Variants in MAGI2 observed in about 807,000 individuals in gnomAD.
MAGI2 encodes membrane associated guanylate kinase, WW and PDZ domain containing 2.
In MAGI2, 35 loss-of-function variants were observed where a neutral mutation model predicts 133.3. The ratio of observed to expected loss-of-function variants is 0.26; its 90% confidence interval spans 0.20 to 0.35. MAGI2 has a LOEUF of 0.35. Ranked by LOEUF, MAGI2 falls within the 10% of genes least tolerant of loss-of-function variation. The probability of loss-of-function intolerance (pLI) is 1.00; values close to 1 mark genes in which losing one functional copy is unlikely to be tolerated. For synonymous variants in MAGI2, 729 were observed against 710.6 expected (o/e 1.03, Z -0.41); for missense variants, 1,636 against 1,863.4 (o/e 0.88, Z 2.25).
chr7:78,438,487 C>T (rs1787278360), intron 6 of MAGI2, among the ~76,000 whole-genome samples: 3 of 152,122 alleles, frequency 2.0e-5, no homozygotes, highest in Non-Finnish European at 4.4e-5. Context: ...AAACACTTCA[C>T]CAGAATATAG....
At chr7:78,650,327 C>T (rs1406478631) in intron 2 of MAGI2, among the ~76,000 whole-genome samples, 1 of 152,132 alleles carries the variant, frequency 6.6e-6, no homozygotes. Context: ...GCCTGAACTT[C>T]CAGTCCAGGG....
chr7:78,343,759 A>G lies in MAGI2; in HGVS notation c.1408+19T>C, dbSNP rs748023393. ...AAAAGATGTTGCAAAACAATTTTCTAAACCATGAAGGACCTTACCTGTTTC... is the reference window on the plus strand; with the variant it reads ...AAAAGATGTTGCAAAACAATTTTCTGAACCATGAAGGACCTTACCTGTTTC... On this transcript the variant is annotated intron_variant, in intron 9 of 21. Transcript: ENST00000354212. 111 of 1,438,940 alleles carry G rather than the reference A, an allele frequency of 7.7e-5. 1 individual carries two copies. In the South Asian group the frequency reaches 1.8e-3, roughly 24 times the overall value. 89.1% of individuals were successfully genotyped at this position (1,438,940 alleles called of 1,614,324 possible). A position where few individuals can be genotyped will look rare whatever the true frequency, so the allele number is the denominator to read the frequency against.
intron 1 of MAGI2, among the ~76,000 whole-genome samples, chr7:79,238,731 A>C (rs1031817773): frequency 6.6e-6 from 1 of 152,200 alleles, no homozygotes; most frequent in Non-Finnish European, 1.5e-5. Context: ...AGAACTTTGA[A>C]ATCTTACATG....
In MAGI2 at chr7:79,323,934, A is replaced by C. The variant is rs961363513; in HGVS notation, c.301+129086T>G. ...AACACCACCATGTGGATCAGTTTTA[A>C]ACACAAGAATGGGGCATCTAGCCTC... On this transcript the variant is annotated intron_variant, in intron 1 of 21. Transcript: ENST00000354212. Among the ~76,000 whole-genome samples the C allele has an allele frequency of 3.3e-5, 5 of 152,202 alleles. No homozygotes were observed. In the East Asian group the frequency reaches 7.8e-4, roughly 24 times the overall value.
chr7:78,411,250 C>G (rs1445597450), intron 6 of MAGI2, among the ~76,000 whole-genome samples: 1 of 151,914 alleles, frequency 6.6e-6, no homozygotes, highest in Admixed American at 6.6e-5. Flanking sequence ...CACAACACAG[C>G]ATTTCACTTT....
At chr7:78,310,163 G>C (rs186886382) in intron 9 of MAGI2, among the ~76,000 whole-genome samples, 1 of 152,086 alleles carries the variant, frequency 6.6e-6, no homozygotes, top group African/African-American at 2.4e-5. Flanking sequence ...GTGGCCAGGC[G>C]TGGTGGCTCA....
chr7:78,202,845 T>G (rs1181955063), intron 10 of MAGI2, among the ~76,000 whole-genome samples: 1 of 152,194 alleles, frequency 6.6e-6, no homozygotes, highest in Non-Finnish European at 1.5e-5. Flanking sequence ...TGTTCACTAT[T>G]TCTCTTTCCA....
chr7:79,152,846 C>T (rs1823389456), intron 1 of MAGI2, among the ~76,000 whole-genome samples: 1 of 152,140 alleles, frequency 6.6e-6, no homozygotes, highest in Non-Finnish European at 1.5e-5. Flanking sequence ...TCATCTCTAT[C>T]TCCAGTTGTA....
intron 10 of MAGI2, among the ~76,000 whole-genome samples, chr7:78,229,782 A>G (rs1263685891): frequency 1.3e-5 from 2 of 152,180 alleles, no homozygotes; most frequent in African/African-American, 2.4e-5. Flanking sequence ...GGAGACACCA[A>G]TAGAAGTCAC....
intron 2 of MAGI2, 148 bp downstream of exon 2, chr7:79,006,941 AC>A (rs1162518419): frequency 7.2e-6 from 4 of 552,646 alleles, no homozygotes; most frequent in Non-Finnish European, 1.3e-5. Context: ...AAGCATTTGC[AC>A]TTAAAATTGC....
At chr7:79,333,421 C>G (rs189621395) in intron 1 of MAGI2, among the ~76,000 whole-genome samples, 1 of 152,100 alleles carries the variant, frequency 6.6e-6, no homozygotes, top group South Asian at 2.1e-4. Context: ...CCACCGCACC[C>G]GGCCTCATTT....
At chr7:78,978,312 C>T (rs1412522727) in intron 2 of MAGI2, among the ~76,000 whole-genome samples, 2 of 151,872 alleles carry the variant, frequency 1.3e-5, no homozygotes, top group East Asian at 3.9e-4. Flanking sequence ...ATGGTGCACA[C>T]ATATAATAGA....
At chr7:78,789,102 T>G (rs1827068309) in intron 2 of MAGI2, among the ~76,000 whole-genome samples, 1 of 152,264 alleles carries the variant, frequency 6.6e-6, no homozygotes, top group Admixed American at 6.5e-5. Context: ...TTTTATTCAT[T>G]TTATGTGCTT....
In MAGI2 at chr7:78,979,908, A is replaced by G. The variant is rs556026310; in HGVS notation, c.418+27182T>C. 2.0e-5 allele frequency among the ~76,000 whole-genome samples: 3 copies of G among 152,082 alleles called. No individual in the cohort carries two copies. In the East Asian group the frequency reaches 5.9e-4, roughly 30 times the overall value. The stretch of plus-strand genomic sequence containing the variant: ...TCTAAGACAATTTCAAATTTTTAAA[A>G]TGTTATTTGAAAAATCATAACACTT... On this transcript the variant is annotated intron_variant, in intron 2 of 21. Coordinates refer to ENST00000354212, the MANE Select transcript of MAGI2 (RefSeq NM_012301.4).
intron 1 of MAGI2, among the ~76,000 whole-genome samples, chr7:79,159,137 G>A (rs537658902): frequency 5.3e-5 from 8 of 152,104 alleles, no homozygotes; most frequent in East Asian, 3.9e-4. Flanking sequence ...GATCTCATGC[G>A]GTAAATTTCT....
chr7:79,189,492 T>C (rs1460579537), intron 1 of MAGI2, among the ~76,000 whole-genome samples: 3 of 151,750 alleles, frequency 2.0e-5, no homozygotes, highest in Non-Finnish European at 4.4e-5. Context: ...TAGAGTAGTT[T>C]ATGTTTTCAA....
At chr7:79,193,318 C>T (rs1827824676) in intron 1 of MAGI2, among the ~76,000 whole-genome samples, 1 of 151,960 alleles carries the variant, frequency 6.6e-6, no homozygotes, top group African/African-American at 2.4e-5. Context: ...CCCATAGTTT[C>T]TTTTCCTTTC....
intron 14 of MAGI2, among the ~76,000 whole-genome samples, chr7:78,174,286 A>G (rs1318534877): frequency 6.6e-6 from 1 of 152,226 alleles, no homozygotes; most frequent in Non-Finnish European, 1.5e-5. Flanking sequence ...AAAAGAGCAC[A>G]TGAGTCAGTG....
At chr7:78,538,098 G>A (rs540509159) in intron 3 of MAGI2, among the ~76,000 whole-genome samples, 1 of 152,050 alleles carries the variant, frequency 6.6e-6, no homozygotes, top group African/African-American at 2.4e-5. Flanking sequence ...CTTTCCCCCT[G>A]TATGTTTTCA....
Sources: gnomAD v4.1 joint callset for allele counts (sites outside exome capture counted in the v4.1 genomes callset) on GRCh38, gnomAD v4.1.1 for gene constraint, MANE v1.5 for transcripts, NCBI Gene and HGNC (gene_info 2026-07-23, HGNC 2026-07-21) for gene names.